TIAM2: variants seen among roughly 807,000 people sequenced by gnomAD.
TIAM2 encodes the protein rho guanine nucleotide exchange factor TIAM2.
A neutral mutation model predicts 152.9 loss-of-function variants in TIAM2; 80 were observed. That is an observed-to-expected ratio of 0.52 (90% confidence interval 0.44 to 0.63). The LOEUF (loss-of-function observed/expected upper bound fraction) is 0.63. Ranked by LOEUF, TIAM2 falls within the 30% of genes least tolerant of loss-of-function variation. The probability of loss-of-function intolerance (pLI) is 0.00; values close to 1 mark genes in which losing one functional copy is unlikely to be tolerated. For missense variants in TIAM2, 1,965 were observed against 2,120.1 expected, an observed-to-expected ratio of 0.93 and a Z score of 1.44; for synonymous variants, 804 against 838.0, an observed-to-expected ratio of 0.96 and a Z score of 0.70.
chr6:155,204,539 A>G (rs1321310962), intron 14 of TIAM2, among the ~76,000 whole-genome samples: 2 of 152,184 alleles, frequency 1.3e-5, no homozygotes, highest in Non-Finnish European at 2.9e-5. Flanking sequence ...TTAGGGTAGT[A>G]TATTGCTTTT....
At chr6:155,015,970 A>G (rs1027908121) in intron 1 of TIAM2, among the ~76,000 whole-genome samples, 14 of 151,366 alleles carry the variant, frequency 9.2e-5, no homozygotes, top group African/African-American at 3.1e-4. Flanking sequence ...AAAAAAAAAA[A>G]AAACTCCAAA....
At chr6:155,199,234 C>T (rs907655067) in intron 14 of TIAM2, among the ~76,000 whole-genome samples, 1 of 152,060 alleles carries the variant, frequency 6.6e-6, no homozygotes, top group African/African-American at 2.4e-5. Context: ...AACCACCACA[C>T]CCAGATGATT....
At chr6:155,073,803 A>C (rs1402895403) in intron 1 of TIAM2, among the ~76,000 whole-genome samples, 1 of 152,224 alleles carries the variant, frequency 6.6e-6, no homozygotes, top group Non-Finnish European at 1.5e-5. Flanking sequence ...CCCTTAGAAG[A>C]GGAGTTTGGA....
chr6:155,222,234 G>A (rs529370221), intron 15 of TIAM2, among the ~76,000 whole-genome samples: 3 of 151,916 alleles, frequency 2.0e-5, no homozygotes, highest in Non-Finnish European at 2.9e-5. Context: ...GATTACAGGC[G>A]TGAGCCACCA....
intron 13 of TIAM2, among the ~76,000 whole-genome samples, chr6:155,182,741 G>A (rs995991487): frequency 2.0e-5 from 3 of 152,086 alleles, no homozygotes; most frequent in Admixed American, 6.6e-5. Flanking sequence ...ACAGACAGGC[G>A]GACACGGATG....
At chr6:155,055,806 T>C (rs1366314336) in intron 1 of TIAM2, among the ~76,000 whole-genome samples, 1 of 151,998 alleles carries the variant, frequency 6.6e-6, no homozygotes, top group South Asian at 2.1e-4. Flanking sequence ...CTCCTAAAAA[T>C]AAAACACATT....
intron 16 of TIAM2, among the ~76,000 whole-genome samples, chr6:155,241,623 C>T (rs563547834): frequency 8.5e-5 from 13 of 152,148 alleles, no homozygotes; most frequent in Non-Finnish European, 1.5e-4. Context: ...TTGTTGATGT[C>T]GCTGTTTTAC....
chr6:155,186,257 A>G lies in TIAM2; in HGVS notation c.3064+2757A>G, dbSNP rs764689511. ...CCTATACTGGTTTTTTGACTCACCC[A>G]GGGAGTTCTGGGCTTTGGTGGATGC... On this transcript the variant is annotated intron_variant, in intron 14 of 26. Transcript: ENST00000682666. This position sits in a 1 kb window ranked among gnomAD's most constrained non-coding sequence, Gnocchi z 4.5. Among the ~76,000 whole-genome samples, 3 of 152,278 alleles carry G rather than the reference A, an allele frequency of 2.0e-5. No individual in the cohort carries two copies. The highest frequency in any genetic ancestry group is 6.8e-3 in the Middle Eastern group (2 of 294).
intron 2 of TIAM2, among the ~76,000 whole-genome samples, chr6:155,112,967 C>T (rs1396206452): frequency 6.6e-6 from 1 of 152,068 alleles, no homozygotes; most frequent in Non-Finnish European, 1.5e-5. Context: ...GCAGGTCCCC[C>T]TGCTGCTTCC....
At chr6:155,010,239 T>C (rs1778464459) in intron 1 of TIAM2, among the ~76,000 whole-genome samples, 1 of 152,144 alleles carries the variant, frequency 6.6e-6, no homozygotes, top group Admixed American at 6.5e-5. Flanking sequence ...AGAAGCTATG[T>C]TTAGGATATA....
rs1173989834 is a variant in TIAM2 at position 155,172,666 on chromosome 6, ATATATATATATATATATATATTTTTTT to A, written c.2362-4148_2362-4122del. On this transcript the variant is annotated intron_variant, in intron 9 of 26. Transcript: ENST00000682666. ...AATATATATATATATATATATATAT[ATATATATATATATATATATATTTTTTT>A]TTTTTTTTTTTTTTTTTTTCTTTGA... is the stretch of plus-strand genomic sequence containing the variant. 6.4e-4 allele frequency among the ~76,000 whole-genome samples: 6 copies of A among 9,332 alleles called. 1 individual carries two copies. The highest frequency in any genetic ancestry group is 1.2e-3 in the African/African-American group (5 of 4,204). The allele number at this position is 9,332 out of a possible 152,430, so 6.1% of individuals were successfully genotyped here.
At chr6:155,011,013 C>G (rs927511293) in intron 1 of TIAM2, among the ~76,000 whole-genome samples, 47 of 150,212 alleles carry the variant, frequency 3.1e-4, no homozygotes, top group African/African-American at 1.1e-3. Context: ...CATTGCACTC[C>G]AGCCTTGGTG....
intron 1 of TIAM2, among the ~76,000 whole-genome samples, chr6:155,049,822 G>A (rs966462288): frequency 3.9e-5 from 6 of 151,964 alleles, no homozygotes; most frequent in Non-Finnish European, 1.5e-5. Flanking sequence ...AAAAGAATGT[G>A]GTAGTTATAG....
intron 15 of TIAM2, among the ~76,000 whole-genome samples, chr6:155,230,058 C>T (rs1441723345): frequency 6.7e-5 from 10 of 150,126 alleles, no homozygotes; most frequent in African/African-American, 2.5e-4. Flanking sequence ...CAAACCATAT[C>T]ACCAGGTGAC....
At chr6:154,997,702 A>G (rs541572039) in intron 1 of TIAM2, among the ~76,000 whole-genome samples, 6 of 121,066 alleles carry the variant, frequency 5.0e-5, no homozygotes, top group Admixed American at 1.1e-4. Flanking sequence ...GTGCAGTGAT[A>G]TGATCTCAGC....
At chr6:154,998,606 T>C (rs1281378950) in intron 1 of TIAM2, among the ~76,000 whole-genome samples, 2 of 152,216 alleles carry the variant, frequency 1.3e-5, no homozygotes, top group Non-Finnish European at 2.9e-5. Context: ...TGCAAGCATT[T>C]ATAAGATTGT....
intron 15 of TIAM2, among the ~76,000 whole-genome samples, chr6:155,219,938 G>A (rs563540280): frequency 6.6e-6 from 1 of 152,374 alleles, no homozygotes; most frequent in South Asian, 2.1e-4. Flanking sequence ...GTGGCTGCCT[G>A]GAAGGCCCTT....
chr6:155,137,273 T>C lies in TIAM2; in HGVS notation c.1291T>C (p.Trp431Arg). The change falls in exon 5 of 27, where the codon TGG (tryptophan) becomes CGG (arginine). Residue 431 changes from tryptophan (W) to arginine (R), a missense_variant. By Grantham distance (101) the Trp-to-Arg change is moderately radical. Transcript: ENST00000682666. ...QGSSQASAFL[W>R]SGGSTQILSQ... ...ATCCTCCCAGGCATCTGCTTTTCTG[T>C]GGTCAGGGGGCTCTACTCAGATCCT... 7 of 1,614,164 alleles carry C rather than the reference T, an allele frequency of 4.3e-6. No individual in the cohort carries two copies. Among genetic ancestry groups the C allele is most frequent in the Non-Finnish European group, 5.9e-6 (7 of 1,180,038 alleles).
chr6:155,110,196 G>A (rs1017893234), intron 2 of TIAM2, among the ~76,000 whole-genome samples: 2 of 151,396 alleles, frequency 1.3e-5, no homozygotes, highest in African/African-American at 2.4e-5. Flanking sequence ...CAAGTGATCC[G>A]CCCGCCTTGA....
Sources: gnomAD v4.1 joint callset for allele counts (sites outside exome capture counted in the v4.1 genomes callset) on GRCh38, gnomAD v4.1.1 for gene constraint, Gnocchi (gnomAD v3.1) non-coding constraint, MANE v1.5 for transcripts, NCBI Gene and HGNC (gene_info 2026-07-23, HGNC 2026-07-21) for gene names.